Variants in RREB1 observed in about 807,000 individuals in gnomAD.
RREB1 encodes ras-responsive element-binding protein 1.
Under a neutral mutation model 117.8 loss-of-function variants are expected in RREB1, and 27 were observed. The ratio of observed to expected loss-of-function variants is 0.23; its 90% confidence interval spans 0.17 to 0.32. The LOEUF (loss-of-function observed/expected upper bound fraction) is 0.32. Ranked by LOEUF, RREB1 falls within the 10% of genes least tolerant of loss-of-function variation. The pLI, the probability that RREB1 is intolerant of heterozygous loss-of-function variation, is 1.00. For synonymous variants in RREB1, 1,298 were observed against 1,026.7 expected (o/e 1.26, Z -5.05); for missense variants, 2,577 against 2,378.2 (o/e 1.08, Z -1.74).
intron 2 of RREB1, among the ~76,000 whole-genome samples, chr6:7,177,246 G>T (rs1453736470): frequency 2.7e-5 from 4 of 148,592 alleles, no homozygotes; most frequent in Non-Finnish European, 5.9e-5. Flanking sequence ...AAAAAAAGGA[G>T]GAAAGAAATT....
chr6:7,230,852 C>T lies in RREB1; in HGVS notation c.2753C>T (p.Ser918Phe). ...ALVQVKQENISFLSPSSLVPY... is the reference protein window; with the variant it reads ...ALVQVKQENIFFLSPSSLVPY... ...GTCCAAGTGAAGCAGGAAAACATCT[C>T]CTTTCTGAGCCCTTCTTCCCTGGTC... The change falls in exon 10 of 13, where the codon TCC (serine) becomes TTC (phenylalanine). Residue 918 changes from serine to phenylalanine, a missense_variant. Physicochemically the swap from Ser to Phe is radical, Grantham distance 155 (BLOSUM62 -2). Transcript: ENST00000379938. 6.2e-7 allele frequency: 1 copy of T among 1,614,238 alleles called. No homozygotes were observed. Among genetic ancestry groups the T allele is most frequent in the Middle Eastern group, 1.6e-4 (1 of 6,062 alleles).
rs146499254 is a variant in RREB1 at position 7,182,033 on chromosome 6, A to G, written c.122A>G (p.Lys41Arg). Residue 41 changes from lysine to arginine, a missense_variant, in exon 4 of 13, where the codon AAG (lysine) becomes AGG (arginine). By Grantham distance (26) the Lys-to-Arg change is conservative (BLOSUM62 2). Transcript: ENST00000379938. ...AATGGCGGGAGCCCCCAGGGGATCA[A>G]GTCCCCCTCGAAGCCTCCAGGACCA... is the stretch of plus-strand genomic sequence containing the variant. ...TENGGSPQGIKSPSKPPGPNR... is the reference protein window; with the variant it reads ...TENGGSPQGIRSPSKPPGPNR... 3.1e-4 allele frequency: 496 copies of G among 1,614,082 alleles called. 1 individual carries two copies. Among genetic ancestry groups the G allele is most frequent in the Non-Finnish European group, 3.9e-4 (460 of 1,179,986 alleles).
intron 1 of RREB1, among the ~76,000 whole-genome samples, chr6:7,158,635 T>C (rs2113454426): frequency 6.6e-6 from 1 of 152,328 alleles, no homozygotes; most frequent in Non-Finnish European, 1.5e-5. Flanking sequence ...TAGAATTGTA[T>C]AGACAGCACT....
At chr6:7,189,807 G>GA (rs1355408591) in intron 6 of RREB1, among the ~76,000 whole-genome samples, 1 of 152,182 alleles carries the variant, frequency 6.6e-6, no homozygotes, top group African/African-American at 2.4e-5. Context: ...TTAAGAAAAA[G>GA]AAAATCTGAT....
intron 1 of RREB1, among the ~76,000 whole-genome samples, chr6:7,126,573 G>C (rs549938041): frequency 1.4e-4 from 22 of 152,200 alleles, no homozygotes; most frequent in South Asian, 6.2e-4. Flanking sequence ...TGGCAGGACT[G>C]TTTTGAAACT....
chr6:7,178,522 C>T (rs1439509008), intron 2 of RREB1, among the ~76,000 whole-genome samples: 2 of 152,334 alleles, frequency 1.3e-5, no homozygotes, highest in African/African-American at 4.8e-5. Flanking sequence ...CTTGCACCAG[C>T]TTCTTCCCCT....
intron 9 of RREB1, among the ~76,000 whole-genome samples, chr6:7,226,885 A>ACT (rs1561792044): frequency 6.6e-6 from 1 of 152,104 alleles, no homozygotes; most frequent in Non-Finnish European, 1.5e-5. Context: ...TATCCTATGA[A>ACT]CTGTGCATCA....
intron 1 of RREB1, among the ~76,000 whole-genome samples, chr6:7,144,527 T>C (rs1003342172): frequency 6.6e-6 from 1 of 152,244 alleles, no homozygotes; most frequent in African/African-American, 2.4e-5. Context: ...TTTTCACTTC[T>C]GTTTTGTTTT....
chr6:7,124,625 AG>A (rs1761831191), intron 1 of RREB1, among the ~76,000 whole-genome samples: 1 of 152,220 alleles, frequency 6.6e-6, no homozygotes, highest in South Asian at 2.1e-4. Flanking sequence ...GTTATAATTT[AG>A]TTTTCACCCT....
rs1293474555 is a variant in RREB1, at chr6:7,249,075, G to C, written c.*107G>C. The C allele has an allele frequency of 2.4e-5, 15 of 637,490 alleles. No homozygotes were observed. The highest frequency in any genetic ancestry group is 3.6e-5 in the Non-Finnish European group (15 of 412,044). The allele number at this position is 637,490 out of a possible 1,614,324, so 39.5% of individuals were successfully genotyped here. ...GCTGTTGAGGAGTGAGAGAGAGAGAGAGAGAGAGAGAGAGAGAGAGAGAGA... is the reference window on the plus strand; with the variant it reads ...GCTGTTGAGGAGTGAGAGAGAGAGACAGAGAGAGAGAGAGAGAGAGAGAGA... On this transcript the variant is annotated 3_prime_UTR_variant, in exon 13 of 13. Coordinates refer to ENST00000379938, the MANE Select transcript of RREB1 (RefSeq NM_001003699.4).
intron 6 of RREB1, among the ~76,000 whole-genome samples, chr6:7,199,815 C>A (rs1005599584): frequency 2.0e-5 from 3 of 152,084 alleles, no homozygotes; most frequent in African/African-American, 7.2e-5. Context: ...AGGCACACTC[C>A]ACCATGCCTG....
At chr6:7,112,635 A>C (rs1761200693) in intron 1 of RREB1, among the ~76,000 whole-genome samples, 1 of 152,218 alleles carries the variant, frequency 6.6e-6, no homozygotes, top group African/African-American at 2.4e-5. Flanking sequence ...AGAGGGAGGC[A>C]TACGGTGTGC....
intron 8 of RREB1, among the ~76,000 whole-genome samples, chr6:7,221,229 C>T (rs1276830946): frequency 6.6e-6 from 1 of 151,586 alleles, no homozygotes; most frequent in Admixed American, 6.6e-5. Context: ...ACTGCAGTGG[C>T]GCAATCTCGG....
At chr6:7,202,796 A>G (rs574820357) in intron 6 of RREB1, among the ~76,000 whole-genome samples, 1 of 152,246 alleles carries the variant, frequency 6.6e-6, no homozygotes, top group East Asian at 1.9e-4. Context: ...CCTTCCACTG[A>G]TGTCTCTGGA....
At chr6:7,198,230 A>G (rs566673922) in intron 6 of RREB1, among the ~76,000 whole-genome samples, 3 of 152,288 alleles carry the variant, frequency 2.0e-5, no homozygotes, top group Admixed American at 2.0e-4. Context: ...AATTAATGTC[A>G]TAATCACCAG....
At chr6:7,143,924 C>G (rs1277244638) in intron 1 of RREB1, among the ~76,000 whole-genome samples, 3 of 99,566 alleles carry the variant, frequency 3.0e-5, no homozygotes, top group Non-Finnish European at 5.9e-5. Flanking sequence ...ACTAGAATTT[C>G]TTTGACCCAA....
At chr6:7,167,349 A>ATTTTT (rs777728313) in intron 1 of RREB1, among the ~76,000 whole-genome samples, 4 of 120,058 alleles carry the variant, frequency 3.3e-5, no homozygotes, top group African/African-American at 9.4e-5. Context: ...CTGGGACAGG[A>ATTTTT]TTTTTTTTTT....
intron 5 of RREB1, among the ~76,000 whole-genome samples, chr6:7,188,355 A>G (rs1765212834): frequency 3.3e-5 from 5 of 151,454 alleles, no homozygotes. Flanking sequence ...AGTTCACGTG[A>G]TTCTCCTGCC....
At chr6:7,226,224 G>T (rs554605978) in intron 8 of RREB1, among the ~76,000 whole-genome samples, 3 of 152,180 alleles carry the variant, frequency 2.0e-5, no homozygotes, top group African/African-American at 7.2e-5. Context: ...TAGGTCGTAC[G>T]TACACCTTGT....
Sources: gnomAD v4.1 joint callset for allele counts (sites outside exome capture counted in the v4.1 genomes callset) on GRCh38, gnomAD v4.1.1 for gene constraint, MANE v1.5 for transcripts, NCBI Gene and HGNC (gene_info 2026-07-23, HGNC 2026-07-21) for gene names.